Variants in DNAH12 observed in about 807,000 individuals in gnomAD.
DNAH12 encodes the protein axonemal beta dynein heavy chain 12.
In DNAH12, 285 loss-of-function variants were observed where a neutral mutation model predicts 371.5. The observed-to-expected ratio is 0.77, with a 90% CI of 0.70 to 0.85. The LOEUF is 0.85. Ranked by LOEUF, DNAH12 falls within the 40% of genes least tolerant of loss-of-function variation. DNAH12 has a pLI of 0.00. For missense variants in DNAH12, 3,611 were observed against 3,689.4 expected (o/e 0.98, Z 0.55); for synonymous variants, 1,200 against 1,213.0 (o/e 0.99, Z 0.22).
chr3:57,469,231 T>C (rs1482097345), intron 16 of DNAH12, among the ~76,000 whole-genome samples: 1 of 152,144 alleles, frequency 6.6e-6, no homozygotes, highest in Admixed American at 6.6e-5. Context: ...CCACATAAAA[T>C]GCAGGTTCAC....
At chr3:57,503,959 A>T in intron 9 of DNAH12, 57 bp downstream of exon 9, 1 of 1,405,930 alleles carries the variant, frequency 7.1e-7, no homozygotes, top group Non-Finnish European at 9.9e-7. Context: ...CATACACTGC[A>T]TAGAGATTCA....
At chr3:57,299,757 C>T (rs528266008) in intron 70 of DNAH12, among the ~76,000 whole-genome samples, 1 of 151,634 alleles carries the variant, frequency 6.6e-6, no homozygotes, top group Admixed American at 6.6e-5. Flanking sequence ...GTAACCTGAC[C>T]ATGATGGCAT....
chr3:57,347,935 G>C (rs1465611722), intron 60 of DNAH12, among the ~76,000 whole-genome samples: 2 of 151,992 alleles, frequency 1.3e-5, no homozygotes, highest in Non-Finnish European at 1.5e-5. Flanking sequence ...TAAATGGTAC[G>C]GCCACTCAGG....
chr3:57,360,531 A>G (rs1045854489), intron 58 of DNAH12, among the ~76,000 whole-genome samples: 20 of 152,114 alleles, frequency 1.3e-4, no homozygotes, highest in Admixed American at 2.6e-4. Context: ...TCTACTAAAA[A>G]TACAAAATTA....
At chr3:57,410,779 A>C (rs189725984) in intron 39 of DNAH12, among the ~76,000 whole-genome samples, 1 of 151,646 alleles carries the variant, frequency 6.6e-6, no homozygotes, top group Non-Finnish European at 1.5e-5. Flanking sequence ...TCACGCCACT[A>C]CACTCCAGCC....
chr3:57,418,149 G>A (rs1285876305), intron 37 of DNAH12, among the ~76,000 whole-genome samples: 3 of 137,356 alleles, frequency 2.2e-5, no homozygotes, highest in East Asian at 2.1e-4. Context: ...GAGCGCAAGC[G>A]ACTTGTCTGA....
intron 20 of DNAH12, among the ~76,000 whole-genome samples, chr3:57,459,380 C>T (rs747373328): frequency 6.6e-6 from 1 of 152,138 alleles, no homozygotes; most frequent in Non-Finnish European, 1.5e-5. Flanking sequence ...GCAGCTCCAC[C>T]AGGTATACTA....
At chr3:57,410,748 G>A (rs370439789) in intron 39 of DNAH12, among the ~76,000 whole-genome samples, 2 of 151,922 alleles carry the variant, frequency 1.3e-5, no homozygotes, top group African/African-American at 2.4e-5. Flanking sequence ...CCTGGGAGGC[G>A]GAGGTTGTAG....
intron 73 of DNAH12, among the ~76,000 whole-genome samples, chr3:57,294,457 G>T (rs544691048): frequency 1.3e-5 from 2 of 152,300 alleles, no homozygotes; most frequent in African/African-American, 4.8e-5. Context: ...TTACAGGCGT[G>T]AGCCACTGCG....
upstream of DNAH12, among the ~76,000 whole-genome samples, chr3:57,546,739 C>T (rs1409785288): frequency 6.6e-6 from 1 of 152,182 alleles, no homozygotes; most frequent in African/African-American, 2.4e-5. Flanking sequence ...ATTAATCAAA[C>T]ACTAATCTAG....
intron 45 of DNAH12, among the ~76,000 whole-genome samples, chr3:57,388,877 G>A (rs2063550148): frequency 1.3e-5 from 2 of 149,570 alleles, no homozygotes; most frequent in East Asian, 4.0e-4. Flanking sequence ...ACACAGGGTG[G>A]GGAACGTCAC....
chr3:57,296,287 T>C, intron 72 of DNAH12, 57 bp downstream of exon 72: 1 of 1,336,642 alleles, frequency 7.5e-7, no homozygotes, highest in South Asian at 1.5e-5. Flanking sequence ...ACAGATTGCT[T>C]ATCTTATCTA....
chr3:57,296,399 C>G lies in DNAH12; in HGVS notation c.11569G>C (p.Asp3857His), dbSNP rs1231387046. 2 of 1,550,864 alleles carry G rather than the reference C, an allele frequency of 1.3e-6. No homozygotes were observed. Among genetic ancestry groups the G allele is most frequent in the Admixed American group, 3.9e-5 (2 of 50,950 alleles). ...PSDTSDTSPE[D>H]GVYIHGLYLD... is the part of the protein sequence containing the mutation. ...TACAGTCCGTGGATATAAACACCAT[C>G]TTCTGGTGATGTGTCAGATGTATCA... The change falls in exon 72 of 74, where the codon GAT becomes CAT. Residue 3857 changes from aspartate (D) to histidine (H), a missense_variant. By Grantham distance (81) the Asp-to-His change is moderately conservative. Around this residue, in one of 3 missense-constraint regions of DNAH12, gnomAD observed 2,266 missense variants for 2,236.9 expected, o/e 1.01. Coordinates refer to ENST00000495027, the MANE Select transcript of DNAH12 (RefSeq NM_001366028.2).
chr3:57,305,422 C>A (rs1160065980), intron 69 of DNAH12, among the ~76,000 whole-genome samples: 1 of 152,136 alleles, frequency 6.6e-6, no homozygotes, highest in Non-Finnish European at 1.5e-5. Context: ...ATCTTTTTAT[C>A]ACCTCCCCTC....
chr3:57,435,488 G>A (rs935736862), intron 30 of DNAH12, among the ~76,000 whole-genome samples: 3 of 151,936 alleles, frequency 2.0e-5, no homozygotes, highest in Admixed American at 1.3e-4. Context: ...ATAAGGTCAA[G>A]GATACTTCCA....
chr3:57,315,211 G>A (rs1249282342), intron 65 of DNAH12, among the ~76,000 whole-genome samples: 1 of 151,834 alleles, frequency 6.6e-6, no homozygotes, highest in Non-Finnish European at 1.5e-5. Context: ...TCCCCCCCAA[G>A]TAAATTTCAA....
chr3:57,336,577 A>G (rs536004493), intron 60 of DNAH12, among the ~76,000 whole-genome samples: 22 of 152,340 alleles, frequency 1.4e-4, no homozygotes, highest in Admixed American at 3.9e-4. Context: ...ACACTACAAG[A>G]TATCTTAGGG....
chr3:57,323,577 T>C lies in DNAH12; in HGVS notation c.10021A>G (p.Lys3341Glu), dbSNP rs917045318. ...ITNYVTDKLG[K>E]KFVEPPPFDL... Reference sequence around the variant, plus strand: ...AATGGTGGAGGCTCTACAAACTTTTTCCCTAGTTTGTCAGTTACATAGTTT... The same window carrying C: ...AATGGTGGAGGCTCTACAAACTTTTCCCCTAGTTTGTCAGTTACATAGTTT... Residue 3341 changes from lysine (K) to glutamate (E), a missense_variant, in exon 63 of 74, where the codon AAA becomes GAA. Transcript: ENST00000495027. 7.7e-6 allele frequency: 12 copies of C among 1,550,272 alleles called. No homozygotes were observed. The East Asian group carries it at 1.7e-4, about 22-fold the overall frequency.
At chr3:57,519,899 C>G (rs1294431592) in intron 4 of DNAH12, 1 of 922,884 alleles carries the variant, frequency 1.1e-6, no homozygotes, top group Non-Finnish European at 1.8e-6. Flanking sequence ...CACATGGCCA[C>G]CACGTTCCAC....
Sources: gnomAD v4.1 joint callset for allele counts (sites outside exome capture counted in the v4.1 genomes callset) on GRCh38, gnomAD v4.1.1 for gene constraint, gnomAD v4.1.1 regional missense constraint, MANE v1.5 for transcripts, NCBI Gene and HGNC (gene_info 2026-07-23, HGNC 2026-07-21) for gene names.